Variants in CNTN5 observed in about 807,000 individuals in gnomAD.
CNTN5 encodes the protein contactin 5.
In CNTN5, 77 loss-of-function variants were observed where a neutral mutation model predicts 129.1. The observed-to-expected ratio is 0.60, with a 90% confidence interval of 0.50 to 0.72. The LOEUF is 0.72. Among genes scored for constraint, CNTN5 ranks in the 30% least tolerant of loss-of-function variants. The pLI is 0.00. For synonymous variants in CNTN5, 509 were observed against 465.6 expected (o/e 1.09, Z -1.20); for missense variants, 1,478 against 1,328.8 (o/e 1.11, Z -1.75).
chr11:99,925,538 C>G (rs1380489737), intron 7 of CNTN5, among the ~76,000 whole-genome samples: 1 of 152,082 alleles, frequency 6.6e-6, no homozygotes, highest in African/African-American at 2.4e-5. Context: ...GATGCTGACA[C>G]CTTTCTAGCT....
rs574437536 is a variant in CNTN5, at chr11:99,607,964, G to C, written c.55+51695G>C. 3.6e-3 allele frequency among the ~76,000 whole-genome samples: 414 copies of C among 115,328 alleles called. 22 individuals carry two copies. The East Asian group carries it at 0.094, about 26-fold the overall frequency. The allele number at this position is 115,328 out of a possible 152,430, so 75.7% of individuals were successfully genotyped here. ...GGGGACTGTGGTGGGGTCGGGGGAGGGGGGAGGGATAGCATTGGGAGATAT... is the reference window on the plus strand; with the variant it reads ...GGGGACTGTGGTGGGGTCGGGGGAGCGGGGAGGGATAGCATTGGGAGATAT... On this transcript the variant is annotated intron_variant, in intron 3 of 24. Transcript: ENST00000524871.
At position 99,185,051 on chromosome 11, in the gene CNTN5, G is replaced by GA. The variant is rs570007054; in HGVS notation, c.-209-140288dup. Among the ~76,000 whole-genome samples the GA allele has an allele frequency of 7.7e-4, 117 of 151,116 alleles. 1 individual carries two copies. The highest frequency in any genetic ancestry group is 2.6e-3 in the African/African-American group (109 of 41,280). On this transcript the variant is annotated intron_variant, in intron 1 of 24. Coordinates refer to ENST00000524871, the MANE Select transcript of CNTN5 (RefSeq NM_014361.4). ...CTAAGAAAATACAAAAGAAGAAAAA[G>GA]AAAAAAATAATATGAATGGAGAAAC...
At chr11:100,016,575 A>AT (rs1370245021) in intron 9 of CNTN5, among the ~76,000 whole-genome samples, 1 of 151,704 alleles carries the variant, frequency 6.6e-6, no homozygotes, top group Non-Finnish European at 1.5e-5. Context: ...GGTTTTCATT[A>AT]TTTTTTGATT....
At position 100,191,153 on chromosome 11, in the gene CNTN5, A is replaced by T; in HGVS notation, c.1608A>T (p.Leu536=). The T allele has an allele frequency of 6.2e-7, 1 of 1,609,678 alleles. No homozygotes were observed. Among genetic ancestry groups the T allele is most frequent in the Non-Finnish European group, 8.5e-7 (1 of 1,177,114 alleles). The change falls in exon 14 of 25, where the codon CTA becomes CTT. Residue 536 remains leucine, a synonymous_variant. Coordinates refer to ENST00000524871, the MANE Select transcript of CNTN5 (RefSeq NM_014361.4). ...KRIAILPDGS[L]RILNASKSDE... is the part of the protein sequence containing the mutation. ...TAGCTATTCTTCCAGACGGGAGTCT[A>T]CGGATCCTAAATGCTTCCAAATCAG...
chr11:100,259,093 G>A (rs1950142067), intron 17 of CNTN5, among the ~76,000 whole-genome samples: 1 of 152,120 alleles, frequency 6.6e-6, no homozygotes, highest in African/African-American at 2.4e-5. Flanking sequence ...ATAAAGGGAT[G>A]GAGAAAGATT....
intron 21 of CNTN5, among the ~76,000 whole-genome samples, chr11:100,320,890 T>A (rs1951677911): frequency 6.6e-6 from 1 of 152,100 alleles, no homozygotes; most frequent in Non-Finnish European, 1.5e-5. Flanking sequence ...AATTTCCCGG[T>A]GTTTTATTCT....
At chr11:99,025,197 G>A (rs1008861066) in intron 1 of CNTN5, among the ~76,000 whole-genome samples, 3 of 151,796 alleles carry the variant, frequency 2.0e-5, no homozygotes, top group Non-Finnish European at 4.4e-5. Flanking sequence ...TAGATAAAAA[G>A]CAAGAAGCCA....
intron 2 of CNTN5, among the ~76,000 whole-genome samples, chr11:99,409,040 ATAG>A (rs1204604598): frequency 1.3e-5 from 2 of 152,252 alleles, no homozygotes; most frequent in Non-Finnish European, 2.9e-5. Context: ...TCTGATTCTA[ATAG>A]TAGTGAATTA....
At chr11:99,976,403 C>T (rs538516622) in intron 8 of CNTN5, among the ~76,000 whole-genome samples, 2 of 152,178 alleles carry the variant, frequency 1.3e-5, no homozygotes, top group Non-Finnish European at 2.9e-5. Flanking sequence ...TGAGTGGGGC[C>T]TCCAACCCTA....
chr11:99,600,646 A>G (rs1950284207), intron 3 of CNTN5, among the ~76,000 whole-genome samples: 2 of 152,190 alleles, frequency 1.3e-5, no homozygotes, highest in Non-Finnish European at 2.9e-5. Flanking sequence ...GCCCTCTACA[A>G]CTATAATACC....
chr11:99,983,488 A>G (rs1938479462), intron 8 of CNTN5, among the ~76,000 whole-genome samples: 2 of 150,398 alleles, frequency 1.3e-5, no homozygotes, highest in African/African-American at 4.8e-5. Context: ...GAGTAGACAG[A>G]GTCCTTTAAT....
At chr11:99,195,317 T>A (rs1220611132) in intron 1 of CNTN5, among the ~76,000 whole-genome samples, 4 of 152,178 alleles carry the variant, frequency 2.6e-5, no homozygotes, top group Admixed American at 1.3e-4. Context: ...ACTAACTTTG[T>A]ACTAACATTT....
intron 8 of CNTN5, among the ~76,000 whole-genome samples, chr11:99,984,688 C>T (rs549159665): frequency 6.6e-6 from 1 of 152,170 alleles, no homozygotes; most frequent in Admixed American, 6.5e-5. Context: ...GGACCAATAG[C>T]ATGTATACAG....
chr11:99,740,660 A>AT (rs1565480083), intron 3 of CNTN5, among the ~76,000 whole-genome samples: 1 of 152,046 alleles, frequency 6.6e-6, no homozygotes, highest in Non-Finnish European at 1.5e-5. Flanking sequence ...CCACACCCTC[A>AT]GCAGGCATCA....
intron 3 of CNTN5, among the ~76,000 whole-genome samples, chr11:99,761,591 G>A (rs1944584471): frequency 6.6e-6 from 1 of 152,010 alleles, no homozygotes; most frequent in Non-Finnish European, 1.5e-5. Flanking sequence ...CAAAGGACAT[G>A]AACTCATCCT....
chr11:99,609,802 G>A (rs945492548), intron 3 of CNTN5, among the ~76,000 whole-genome samples: 1 of 152,104 alleles, frequency 6.6e-6, no homozygotes, highest in African/African-American at 2.4e-5. Flanking sequence ...AACAATATTA[G>A]TGCTCTGGCT....
At chr11:100,004,017 A>G (rs1223542422) in intron 9 of CNTN5, 1 of 152,240 alleles carries the variant, frequency 6.6e-6, no homozygotes, top group Non-Finnish European at 1.5e-5. Flanking sequence ...TTTACAGCAC[A>G]TTGTCTTGTG....
rs566769880 is a variant in CNTN5, at chr11:99,133,615, C to CAAAAAAAAAAAAAAAAAAAA, written c.-210+112347_-210+112348insAAAAAAAAAAAAAAAAAAAA. Reference sequence around the variant, plus strand: ...GCAAAGGATAGGAACAGACACTTCTCAAGAAAAAAAAAAGACCATACATGC... The same window carrying CAAAAAAAAAAAAAAAAAAAA: ...GCAAAGGATAGGAACAGACACTTCTCAAAAAAAAAAAAAAAAAAAAAAGAAAAAAAAAAGACCATACATGC... On this transcript the variant is annotated intron_variant, in intron 1 of 24. Transcript: ENST00000524871. 4.7e-5 allele frequency among the ~76,000 whole-genome samples: 5 copies of CAAAAAAAAAAAAAAAAAAAA among 106,004 alleles called. 1 individual carries two copies. Among genetic ancestry groups the CAAAAAAAAAAAAAAAAAAAA allele is most frequent in the Non-Finnish European group, 3.8e-5 (2 of 52,998 alleles). The allele number at this position is 106,004 out of a possible 152,430, so 69.5% of individuals were successfully genotyped here. A position where few individuals can be genotyped will look rare whatever the true frequency, so the allele number is the denominator to read the frequency against.
chr11:99,377,669 A>G (rs907548498), intron 2 of CNTN5, among the ~76,000 whole-genome samples: 5 of 152,144 alleles, frequency 3.3e-5, no homozygotes, highest in Non-Finnish European at 7.4e-5. Flanking sequence ...ATATGAGACT[A>G]CTTGGCAGTA....
Sources: allele counts gnomAD v4.1 joint callset (sites outside exome capture counted in the v4.1 genomes callset), GRCh38; gene constraint gnomAD v4.1.1; transcripts MANE v1.5; gene names NCBI Gene and HGNC (gene_info 2026-07-23, HGNC 2026-07-21).